The following CAMTA2 variants were observed in gnomAD, a reference collection of about 807,000 sequenced individuals.
CAMTA2 encodes calmodulin binding transcription activator 2, also known as calmodulin-binding transcription activator 2.
CAMTA2 carries 56 observed loss-of-function variants against 135.7 expected under a neutral mutation model. That is an observed-to-expected ratio of 0.41 (90% confidence interval 0.33 to 0.52). The LOEUF is 0.52. Ranked by LOEUF, CAMTA2 falls within the 20% of genes least tolerant of loss-of-function variation. The pLI is 0.16. For synonymous variants in CAMTA2, 591 were observed against 604.6 expected (o/e 0.98, Z 0.33); for missense variants, 1,358 against 1,553.4 (o/e 0.87, Z 2.11).
Position 4,982,976 on chromosome 17 carries a change from C to T in CAMTA2, c.203G>A (p.Arg68Lys). The T allele has an allele frequency of 6.2e-7, 1 of 1,614,136 alleles. No homozygotes were observed. Among genetic ancestry groups the T allele is most frequent in the Non-Finnish European group, 8.5e-7 (1 of 1,179,996 alleles). Residue 68 changes from arginine (R) to lysine (K), a missense_variant and splice_region_variant, in exon 4 of 23, where the codon AGG becomes AAG. By Grantham distance (26) the Arg-to-Lys change is conservative. This residue lies in a region of CAMTA2 where 105 missense variants were observed against 190.9 expected (regional missense o/e 0.55). Coordinates refer to ENST00000348066, the MANE Select transcript of CAMTA2 (RefSeq NM_015099.4). Reference protein sequence around the residue: ...DEWLSCAPKTRPQNGSIILYN... With the variant: ...DEWLSCAPKTKPQNGSIILYN... ...CCCCCATGTTCTCAAACTTTCTCAC[C>T]TTGTCTTTGGGGCACAAGACAGCCA...
At position 4,969,393 on chromosome 17, in the gene CAMTA2, C is replaced by G; in HGVS notation, c.3283-56G>C. The stretch of plus-strand genomic sequence containing the variant: ...GAAATAGAGGGACGGAGACCCAAAG[C>G]CCTGAGGCTCACCCAAGTTAGGCTG... On this transcript the variant is annotated intron_variant, in intron 20 of 22. Coordinates refer to ENST00000348066, the MANE Select transcript of CAMTA2 (RefSeq NM_015099.4). This position sits in a 1 kb window ranked among gnomAD's most constrained non-coding sequence, Gnocchi z 5.6. 6.2e-7 allele frequency: 1 copy of G among 1,609,492 alleles called. No individual in the cohort carries two copies. Among genetic ancestry groups the G allele is most frequent in the South Asian group, 1.1e-5 (1 of 90,976 alleles).
intron 3 of CAMTA2, among the ~76,000 whole-genome samples, chr17:4,985,031 C>A (rs1301606592): frequency 1.6e-4 from 7 of 44,928 alleles, no homozygotes; most frequent in East Asian, 6.5e-4. Flanking sequence ...AAAAAACAAA[C>A]AAAAATTAGC....
Position 4,981,712 on chromosome 17 carries a change from G to C in CAMTA2, c.531C>G (p.Ser177=), listed in dbSNP as rs1972969593. The stretch of plus-strand genomic sequence containing the variant: ...TCAGCTGTCCCAACAACTCCTCCCG[G>C]GACCACTTCAGCCACTCTCGACGGT... The part of the protein sequence containing the change: ...SSDRREWLKW[S]REELLGQLKP... Residue 177 remains serine, a synonymous_variant, in exon 7 of 23, where the codon TCC becomes TCG. Transcript: ENST00000348066. 6.2e-7 allele frequency: 1 copy of C among 1,611,602 alleles called. No homozygotes were observed. The highest frequency in any genetic ancestry group is 8.5e-7 in the Non-Finnish European group (1 of 1,178,880).
chr17:4,969,266 C>T lies in CAMTA2; in HGVS notation c.3354G>A (p.Gln1118=), dbSNP rs917578475. The T allele has an allele frequency of 6.2e-7, 1 of 1,613,980 alleles. No individual in the cohort carries two copies. Among genetic ancestry groups the T allele is most frequent in the African/African-American group, 1.3e-5 (1 of 74,922 alleles). The part of the protein sequence containing the change: ...IQSKFRSYYE[Q]KRFQQSRRAA... ...CTCGGCGGCTCTGCTGAAATCGCTT[C>T]TGTTCATAGTAGCTTCGGAACTTGC... The change falls in exon 21 of 23, where the codon CAG becomes CAA. Residue 1118 remains glutamine (Q), a synonymous_variant. Transcript: ENST00000348066. The surrounding 1 kb of genome is among the most constrained non-coding windows in gnomAD (Gnocchi z 5.6).
rs774701224 is a variant in CAMTA2, at chr17:4,968,907, C to T, written c.3545G>A (p.Arg1182Lys). ...GCCCAGGGGGAGAAGGGATGAGTACCTGTGTCGGCAGCGCCGCAGGAATCT... is the reference window on the plus strand; with the variant it reads ...GCCCAGGGGGAGAAGGGATGAGTACTTGTGTCGGCAGCGCCGCAGGAATCT... ...IMRFLRRCRH[R>K]MRELKQNQEL... Residue 1182 changes from arginine to lysine, a missense_variant and splice_region_variant, in exon 22 of 23, where the codon AGG (arginine) becomes AAG (lysine). Arg to Lys is a conservative substitution (Grantham distance 26). Around this residue, in one of 4 missense-constraint regions of CAMTA2, gnomAD observed 167 missense variants for 207.0 expected, o/e 0.81. Coordinates refer to ENST00000348066, the MANE Select transcript of CAMTA2 (RefSeq NM_015099.4). 3 of 1,614,166 alleles carry T rather than the reference C, an allele frequency of 1.9e-6. No homozygotes were observed. Among genetic ancestry groups the T allele is most frequent in the Non-Finnish European group, 1.7e-6 (2 of 1,180,004 alleles).
rs1972907676 is a variant in CAMTA2, at chr17:4,980,659, C to A, written c.701-38G>T. 1.3e-6 allele frequency: 2 copies of A among 1,495,828 alleles called. No homozygotes were observed. Among genetic ancestry groups the A allele is most frequent in the Non-Finnish European group, 1.9e-6 (2 of 1,075,616 alleles). The allele number at this position is 1,495,828 out of a possible 1,614,324, so 92.7% of individuals were successfully genotyped here. On this transcript the variant is annotated intron_variant, in intron 8 of 22. Coordinates refer to ENST00000348066, the MANE Select transcript of CAMTA2 (RefSeq NM_015099.4). The surrounding 1 kb of genome is among the most constrained non-coding windows in gnomAD (Gnocchi z 5.3). ...GGAGTAGGAGGGAGAGGAGATAAGACACATCATTCCGCACCTTCTCTACCT... is the reference window on the plus strand; with the variant it reads ...GGAGTAGGAGGGAGAGGAGATAAGAAACATCATTCCGCACCTTCTCTACCT...
chr17:4,974,816 C>T (rs533801939), intron 11 of CAMTA2: 3 of 229,412 alleles, frequency 1.3e-5, no homozygotes, highest in Non-Finnish European at 2.6e-5. Flanking sequence ...CCCGTACACA[C>T]TCTTCCCCCC....
chr17:4,970,324 G>T lies in CAMTA2; in HGVS notation c.3005+16C>A. 6.2e-7 allele frequency: 1 copy of T among 1,613,316 alleles called. No individual in the cohort carries two copies. The highest frequency in any genetic ancestry group is 8.5e-7 in the Non-Finnish European group (1 of 1,179,236). Reference sequence around the variant, plus strand: ...TTCCTTTGAAGAATCTGGAGGCTTTGTCCTGAGCTAGTCACCTGGGAGGGG... The same window carrying T: ...TTCCTTTGAAGAATCTGGAGGCTTTTTCCTGAGCTAGTCACCTGGGAGGGG... On this transcript the variant is annotated intron_variant, in intron 17 of 22. Transcript: ENST00000348066.
chr17:4,987,653 AGC>A lies in CAMTA2; in HGVS notation c.-127_-126del, dbSNP rs1973452972. Reference sequence around the variant, plus strand: ...ATTCTACCCCACACCGACCCCCCCCAGCGCCGGCTGACAGCGGCGTCTAACGT... The same window carrying A: ...ATTCTACCCCACACCGACCCCCCCCAGCCGGCTGACAGCGGCGTCTAACGT... On this transcript the variant is annotated 5_prime_UTR_variant, in exon 1 of 23. Transcript: ENST00000348066. The A allele has an allele frequency of 6.7e-7, 1 of 1,490,152 alleles. No individual in the cohort carries two copies. The highest frequency in any genetic ancestry group is 8.9e-7 in the Non-Finnish European group (1 of 1,120,104). 92.3% of individuals were successfully genotyped at this position (1,490,152 alleles called of 1,614,324 possible).
intron 11 of CAMTA2, among the ~76,000 whole-genome samples, chr17:4,976,784 C>T (rs543023642): frequency 1.3e-5 from 2 of 152,166 alleles, no homozygotes; most frequent in East Asian, 3.9e-4. Context: ...CTGTCCCTGC[C>T]CTGCCTCTTA....
At chr17:4,979,634 G>A (rs757342251) in intron 9 of CAMTA2, 50 bp downstream of exon 9, 1 of 1,347,190 alleles carries the variant, frequency 7.4e-7, no homozygotes, top group Admixed American at 1.9e-5. Flanking sequence ...GTTTTGGGGA[G>A]TCAGAAGACA....
chr17:4,972,426 A>G lies in CAMTA2; in HGVS notation c.2614T>C (p.Ser872Pro), dbSNP rs763363113. 2.0e-5 allele frequency: 32 copies of G among 1,613,888 alleles called. No homozygotes were observed. The highest frequency in any genetic ancestry group is 2.6e-5 in the Non-Finnish European group (31 of 1,179,958). Residue 872 changes from serine to proline, a missense_variant, in exon 16 of 23, where the codon TCT (serine) becomes CCT (proline). By Grantham distance (74) the Ser-to-Pro change is moderately conservative (BLOSUM62 -1). Transcript: ENST00000348066. ...GCCATGTCCTCCATAGTCATCTCAG[A>G]GGCTGGCAGAGGTGCAGGGGGGGGA... ...GSPPPAPLPA[S>P]EMTMEDMAPG...
At chr17:4,974,656 A>C in intron 11 of CAMTA2, 156 bp from the exon 12 acceptor site, 1 of 586,056 alleles carries the variant, frequency 1.7e-6, no homozygotes, top group Non-Finnish European at 3.1e-6. Context: ...CACCTAAATA[A>C]AGCCCACCAG....
intron 6 of CAMTA2, 41 bp downstream of exon 6, chr17:4,982,048 A>ACC (rs751230516): frequency 6.8e-7 from 1 of 1,480,220 alleles, no homozygotes; most frequent in South Asian, 1.1e-5. Context: ...TCCCTCAAAG[A>ACC]GTCAGGAAGA....
intron 3 of CAMTA2, 106 bp downstream of exon 3, chr17:4,985,774 G>T: frequency 1.3e-6 from 1 of 752,312 alleles, no homozygotes. Context: ...GCTTAGAATG[G>T]TGCTCTGCAC....
At position 4,968,213 on chromosome 17, in the gene CAMTA2, C is replaced by A; in HGVS notation, c.*543G>T. The A allele has an allele frequency of 3.9e-6, 1 of 255,988 alleles. No homozygotes were observed. Among genetic ancestry groups the A allele is most frequent in the Non-Finnish European group, 7.6e-6 (1 of 130,788 alleles). The allele number at this position is 255,988 out of a possible 1,614,324, so 15.9% of individuals were successfully genotyped here. Reference sequence around the variant, plus strand: ...TCGGGGGACGGGGCGGACTCCGCAACGCGTTCCTATGTACACCACCTCCCC... The same window carrying A: ...TCGGGGGACGGGGCGGACTCCGCAAAGCGTTCCTATGTACACCACCTCCCC... On this transcript the variant is annotated 3_prime_UTR_variant, in exon 23 of 23. Transcript: ENST00000348066.
chr17:4,968,869 T>C, intron 22 of CAMTA2, 38 bp downstream of exon 22: 1 of 1,612,570 alleles, frequency 6.2e-7, no homozygotes, highest in South Asian at 1.1e-5. Flanking sequence ...TCACGACGGG[T>C]GGCAACGCAA....
chr17:4,969,944 A>T lies in CAMTA2; in HGVS notation c.3147T>A (p.Tyr1049Ter), dbSNP rs1972162454. Residue 1049 changes from tyrosine (Y) to a stop codon, truncating the protein, a stop_gained, in exon 18 of 23, where the codon TAT becomes TAA. Transcript: ENST00000348066. LOFTEE classifies it high-confidence loss of function. The surrounding 1 kb of genome is among the most constrained non-coding windows in gnomAD (Gnocchi z 5.6). ...CCGTCTGGATGACTCGGGCAGCCTC[A>T]TACAGTTCCCGCTGCTCGTGATCTG... is the stretch of plus-strand genomic sequence containing the variant. ...TLSDHEQREL[Y>*]EAARVIQTAF... 1 of 1,614,076 alleles carries T rather than the reference A, an allele frequency of 6.2e-7. No individual in the cohort carries two copies. Among genetic ancestry groups the T allele is most frequent in the African/African-American group, 1.3e-5 (1 of 74,942 alleles).
chr17:4,987,539 G>GGTT, intron 1 of CAMTA2, 54 bp downstream of exon 1: 1 of 1,482,164 alleles, frequency 6.7e-7, no homozygotes, highest in East Asian at 2.7e-5. Context: ...ACCTGGAGGA[G>GGTT]CTGCGCCCTC....
Sources: allele counts gnomAD v4.1 joint callset (sites outside exome capture counted in the v4.1 genomes callset), GRCh38; gene constraint gnomAD v4.1.1; regional missense constraint gnomAD v4.1.1; non-coding constraint Gnocchi (gnomAD v3.1); transcripts MANE v1.5; gene names NCBI Gene and HGNC (gene_info 2026-07-23, HGNC 2026-07-21).